Variants in CTNNBL1 observed in about 807,000 individuals in gnomAD.
The protein encoded by CTNNBL1 is beta-catenin-like protein 1.
In CTNNBL1, 31 loss-of-function variants were observed where a neutral mutation model predicts 72.7. The ratio of observed to expected loss-of-function variants is 0.43; its 90% CI spans 0.32 to 0.58. The LOEUF (loss-of-function observed/expected upper bound fraction) is 0.58. CTNNBL1 is among the 20% of genes least tolerant of loss of function. CTNNBL1 has a pLI of 0.08. For missense variants in CTNNBL1, 534 were observed against 725.1 expected (o/e 0.74, Z 3.03); for synonymous variants, 240 against 267.3 (o/e 0.90, Z 1.00).
chr20:37,761,465 A>G (rs2073417011), intron 5 of CTNNBL1, among the ~76,000 whole-genome samples: 1 of 152,214 alleles, frequency 6.6e-6, no homozygotes, highest in African/African-American at 2.4e-5. Flanking sequence ...CTGTAAGGGT[A>G]CTTACTATGA....
chr20:37,825,636 T>C (rs935303393), intron 11 of CTNNBL1, among the ~76,000 whole-genome samples: 3 of 152,058 alleles, frequency 2.0e-5, no homozygotes, highest in African/African-American at 7.2e-5. Flanking sequence ...GATCGTGCCA[T>C]TGCACTCCAG....
chr20:37,843,655 G>A (rs143872918), intron 13 of CTNNBL1, among the ~76,000 whole-genome samples: 35 of 152,220 alleles, frequency 2.3e-4, no homozygotes, highest in African/African-American at 8.2e-4. Flanking sequence ...TCATTCCATC[G>A]TCCAAAAATG....
At chr20:37,717,047 C>T (rs942147120) in intron 1 of CTNNBL1, among the ~76,000 whole-genome samples, 3 of 152,074 alleles carry the variant, frequency 2.0e-5, no homozygotes, top group Non-Finnish European at 4.4e-5. Context: ...ATCCGGTTCT[C>T]ACTCATTCAG....
Position 37,714,011 on chromosome 20 carries a change from C to T in CTNNBL1, c.31-18868C>T, listed in dbSNP as rs1292251603. 2.6e-5 allele frequency among the ~76,000 whole-genome samples: 4 copies of T among 152,102 alleles called. No homozygotes were observed. The South Asian group carries it at 6.2e-4, about 24-fold the overall frequency. On this transcript the variant is annotated intron_variant, in intron 1 of 15. Transcript: ENST00000361383. ...AGGTTTGGTAACTTGCCCAAAGATA[C>T]CCAGTAAGTAGATGGTGGAATCTTC...
At chr20:37,846,850 A>G (rs1327440847) in intron 13 of CTNNBL1, among the ~76,000 whole-genome samples, 7 of 152,098 alleles carry the variant, frequency 4.6e-5, no homozygotes, top group Admixed American at 6.5e-5. Context: ...AGAGGCTTTC[A>G]GTGATTACCA....
At chr20:37,815,410 T>C (rs2072047823) in intron 11 of CTNNBL1, among the ~76,000 whole-genome samples, 1 of 151,374 alleles carries the variant, frequency 6.6e-6, no homozygotes, top group African/African-American at 2.4e-5. Flanking sequence ...CTCCGCCTCC[T>C]GGGTTCAAGC....
chr20:37,695,771 C>T (rs1378864658), intron 1 of CTNNBL1, among the ~76,000 whole-genome samples: 2 of 152,212 alleles, frequency 1.3e-5, no homozygotes, highest in Non-Finnish European at 2.9e-5. Flanking sequence ...GTGACGGTAG[C>T]TGCCTCACAG....
chr20:37,805,145 GTCC>G (rs1328069067), intron 11 of CTNNBL1, among the ~76,000 whole-genome samples: 1 of 152,256 alleles, frequency 6.6e-6, no homozygotes, highest in African/African-American at 2.4e-5. Context: ...GGGTTTCTTT[GTCC>G]TGTCCTCTGG....
chr20:37,706,627 T>A (rs1189943959), intron 1 of CTNNBL1, among the ~76,000 whole-genome samples: 3 of 152,238 alleles, frequency 2.0e-5, no homozygotes, highest in African/African-American at 7.2e-5. Flanking sequence ...ACTGAAATCT[T>A]GAACCCCTCA....
At chr20:37,783,198 A>T (rs1289082243) in intron 10 of CTNNBL1, among the ~76,000 whole-genome samples, 3 of 152,182 alleles carry the variant, frequency 2.0e-5, no homozygotes, top group African/African-American at 7.2e-5. Flanking sequence ...TGTGTGAGCC[A>T]TTGCACCTGG....
intron 11 of CTNNBL1, among the ~76,000 whole-genome samples, chr20:37,829,501 T>G (rs2072189310): frequency 6.6e-6 from 1 of 152,204 alleles, no homozygotes; most frequent in African/African-American, 2.4e-5. Flanking sequence ...GAGGGTCTGC[T>G]TTTCATAGTC....
chr20:37,703,979 G>T (rs551396511), intron 1 of CTNNBL1, among the ~76,000 whole-genome samples: 5 of 152,122 alleles, frequency 3.3e-5, no homozygotes, highest in African/African-American at 9.6e-5. Context: ...GTTTCTCCGT[G>T]TTGGTCAGGT....
At chr20:37,805,093 A>G (rs1453902674) in intron 11 of CTNNBL1, among the ~76,000 whole-genome samples, 1 of 152,252 alleles carries the variant, frequency 6.6e-6, no homozygotes, top group Non-Finnish European at 1.5e-5. Flanking sequence ...CATGAATGGC[A>G]GAGTGAGAAT....
At chr20:37,707,667 T>C (rs2072898964) in intron 1 of CTNNBL1, among the ~76,000 whole-genome samples, 1 of 152,270 alleles carries the variant, frequency 6.6e-6, no homozygotes, top group Non-Finnish European at 1.5e-5. Context: ...ACTATTCATA[T>C]GTTTACTGGA....
At chr20:37,784,883 G>T (rs1253967472) in intron 10 of CTNNBL1, among the ~76,000 whole-genome samples, 4 of 152,068 alleles carry the variant, frequency 2.6e-5, no homozygotes, top group African/African-American at 9.7e-5. Flanking sequence ...TTTTCTTTCA[G>T]ATTGAAGAAC....
intron 11 of CTNNBL1, among the ~76,000 whole-genome samples, chr20:37,837,556 G>T (rs983273484): frequency 1.3e-5 from 2 of 152,080 alleles, no homozygotes; most frequent in South Asian, 2.1e-4. Context: ...CTGCTCCCAC[G>T]TACAAAAACT....
At chr20:37,738,505 C>G (rs1214008153) in intron 3 of CTNNBL1, among the ~76,000 whole-genome samples, 1 of 151,264 alleles carries the variant, frequency 6.6e-6, no homozygotes, top group Non-Finnish European at 1.5e-5. Flanking sequence ...TTTTAATGTT[C>G]TAAACCTCTC....
chr20:37,779,472 G>T lies in CTNNBL1; in HGVS notation c.1031+137G>T, dbSNP rs2073606846. On this transcript the variant is annotated intron_variant, in intron 10 of 15. Transcript: ENST00000361383. ...TTACCCTGAAGAGTAAAGTCTTCAG[G>T]CATGGGGGGATGTGTTTGTATAGGT... 5 of 913,836 alleles carry T rather than the reference G, an allele frequency of 5.5e-6. No homozygotes were observed. In the South Asian group the frequency reaches 8.2e-5, roughly 15 times the overall value. The allele number at this position is 913,836 out of a possible 1,614,324, so 56.6% of individuals were successfully genotyped here.
rs1337963250 is a variant in CTNNBL1, at chr20:37,745,881, G to GAA, written c.327-585_327-584dup. ...AGGTTTGTTGAAAGGTTCAGGTATAGAAATGTGAGTAAAGTATCATGCTGT... is the reference window on the plus strand; with the variant it reads ...AGGTTTGTTGAAAGGTTCAGGTATAGAAAAATGTGAGTAAAGTATCATGCTGT... On this transcript the variant is annotated intron_variant, in intron 3 of 15. Transcript: ENST00000361383. Among the ~76,000 whole-genome samples, 8 of 152,192 alleles carry GAA rather than the reference G, an allele frequency of 5.3e-5. No individual in the cohort carries two copies. In the East Asian group the frequency reaches 1.5e-3, roughly 29 times the overall value.
Sources: gnomAD v4.1 joint callset for allele counts (sites outside exome capture counted in the v4.1 genomes callset) on GRCh38, gnomAD v4.1.1 for gene constraint, MANE v1.5 for transcripts, NCBI Gene and HGNC (gene_info 2026-07-23, HGNC 2026-07-21) for gene names.